Variants in SNTG1 observed in about 807,000 individuals in gnomAD.
SNTG1 encodes gamma-1-syntrophin.
SNTG1 carries 39 observed loss-of-function variants against 74.7 expected under a neutral mutation model. That is an observed-to-expected ratio of 0.52 (90% CI 0.40 to 0.68). The LOEUF is 0.68. Ranked by LOEUF, SNTG1 falls within the 30% of genes least tolerant of loss-of-function variation. The pLI is 0.00. For missense variants in SNTG1, 685 were observed against 609.5 expected (o/e 1.12, Z -1.30); for synonymous variants, 254 against 217.1 (o/e 1.17, Z -1.49).
chr8:50,445,496 G>A (rs1158702015), intron 5 of SNTG1, among the ~76,000 whole-genome samples: 1 of 152,166 alleles, frequency 6.6e-6, no homozygotes, highest in East Asian at 1.9e-4. Context: ...GTATTTCACA[G>A]TAATGCTAGT....
At chr8:50,512,687 C>G (rs992099693) in intron 9 of SNTG1, among the ~76,000 whole-genome samples, 17 of 152,176 alleles carry the variant, frequency 1.1e-4, no homozygotes, top group African/African-American at 3.6e-4. Flanking sequence ...CCTTGATACC[C>G]TTTCTTCCAG....
chr8:50,552,568 G>A (rs1199209884), intron 11 of SNTG1, among the ~76,000 whole-genome samples: 2 of 152,114 alleles, frequency 1.3e-5, no homozygotes, highest in Admixed American at 6.6e-5. Flanking sequence ...GAGAACAATG[G>A]ACAAAGTGCT....
intron 12 of SNTG1, among the ~76,000 whole-genome samples, chr8:50,577,569 G>C (rs1239059155): frequency 2.6e-5 from 1 of 39,128 alleles, no homozygotes; most frequent in East Asian, 1.5e-3. Context: ...AAAAGTTGAA[G>C]AAGGATTGGT....
chr8:50,263,897 C>A (rs2087322965), intron 2 of SNTG1, among the ~76,000 whole-genome samples: 1 of 152,094 alleles, frequency 6.6e-6, no homozygotes, highest in South Asian at 2.1e-4. Flanking sequence ...CATTCAAGAA[C>A]ACATGAAACA....
chr8:49,969,281 G>C (rs1349415977), intron 1 of SNTG1, among the ~76,000 whole-genome samples: 1 of 151,574 alleles, frequency 6.6e-6, no homozygotes, highest in Admixed American at 6.6e-5. Context: ...TTAATGCGAG[G>C]AAACCTTGGA....
intron 2 of SNTG1, among the ~76,000 whole-genome samples, chr8:50,360,829 A>G (rs1563941045): frequency 6.6e-6 from 1 of 152,114 alleles, no homozygotes; most frequent in African/African-American, 2.4e-5. Context: ...TAATTTCAGT[A>G]TAGAAGTTGC....
chr8:50,520,994 T>A (rs2094174756), intron 9 of SNTG1, among the ~76,000 whole-genome samples: 1 of 152,134 alleles, frequency 6.6e-6, no homozygotes. Flanking sequence ...GCAGCAGTAT[T>A]TACAATAGCA....
At chr8:50,437,345 A>G (rs574817558) in intron 4 of SNTG1, among the ~76,000 whole-genome samples, 12 of 152,298 alleles carry the variant, frequency 7.9e-5, no homozygotes, top group African/African-American at 1.9e-4. Flanking sequence ...TTCTTTAAGT[A>G]TTATTTTGTT....
At chr8:50,503,148 T>C (rs1188199756) in intron 9 of SNTG1, among the ~76,000 whole-genome samples, 1 of 152,202 alleles carries the variant, frequency 6.6e-6, no homozygotes, top group African/African-American at 2.4e-5. Flanking sequence ...AAATATCATG[T>C]ATGCATTATG....
At chr8:50,001,095 A>C (rs572772440) in intron 1 of SNTG1, among the ~76,000 whole-genome samples, 2 of 152,208 alleles carry the variant, frequency 1.3e-5, no homozygotes, top group Admixed American at 1.3e-4. Context: ...CTCAACTGTG[A>C]CTTGTGCAGA....
chr8:50,225,747 G>A (rs1053165101), intron 2 of SNTG1, among the ~76,000 whole-genome samples: 2 of 152,146 alleles, frequency 1.3e-5, no homozygotes, highest in Non-Finnish European at 2.9e-5. Flanking sequence ...TAAGAGAAAA[G>A]ACAAATTAAG....
intron 2 of SNTG1, among the ~76,000 whole-genome samples, chr8:50,189,640 T>C (rs2083496266): frequency 6.6e-6 from 1 of 152,274 alleles, no homozygotes; most frequent in South Asian, 2.1e-4. Flanking sequence ...ACATTCAAAC[T>C]CCAGGTACCA....
At chr8:50,766,012 T>C (rs973863351) in intron 18 of SNTG1, among the ~76,000 whole-genome samples, 5 of 151,994 alleles carry the variant, frequency 3.3e-5, no homozygotes, top group African/African-American at 1.2e-4. Context: ...AAACCTCAAA[T>C]GTTAAATATA....
chr8:50,564,417 C>T (rs888291136), intron 12 of SNTG1, among the ~76,000 whole-genome samples: 1 of 151,944 alleles, frequency 6.6e-6, no homozygotes, highest in African/African-American at 2.4e-5. Context: ...TTCACATTAC[C>T]TGATATTGCA....
At chr8:50,348,573 C>T (rs1563927113) in intron 2 of SNTG1, among the ~76,000 whole-genome samples, 1 of 152,174 alleles carries the variant, frequency 6.6e-6, no homozygotes, top group Non-Finnish European at 1.5e-5. Flanking sequence ...AGGACCAATG[C>T]ACTTAATATT....
chr8:50,266,055 CT>C lies in SNTG1; in HGVS notation c.-28+93431del, dbSNP rs34945869. On this transcript the variant is annotated intron_variant, in intron 2 of 18. Coordinates refer to ENST00000642720, the MANE Select transcript of SNTG1 (RefSeq NM_018967.5). ...AACACAATTTATATCAAAATCCTAG[CT>C]TTTTTTTTTTGCAGGAATTGATGAG... Among the ~76,000 whole-genome samples the C allele has an allele frequency of 1.4e-3, 202 of 145,478 alleles. 1 individual carries two copies. The highest frequency in any genetic ancestry group is 2.5e-3 in the African/African-American group (98 of 39,722).
At chr8:50,017,202 C>A (rs1816406160) in intron 1 of SNTG1, among the ~76,000 whole-genome samples, 1 of 151,988 alleles carries the variant, frequency 6.6e-6, no homozygotes, top group African/African-American at 2.4e-5. Flanking sequence ...TTACTCATTT[C>A]TTGTTCTATC....
At chr8:50,448,321 A>G (rs1328797317) in intron 5 of SNTG1, among the ~76,000 whole-genome samples, 1 of 152,240 alleles carries the variant, frequency 6.6e-6, no homozygotes, top group African/African-American at 2.4e-5. Flanking sequence ...CCAAAAAAAA[A>G]AATTCAATAT....
At chr8:50,602,257 CT>C (rs2094780343) in intron 13 of SNTG1, among the ~76,000 whole-genome samples, 1 of 149,746 alleles carries the variant, frequency 6.7e-6, no homozygotes, top group South Asian at 2.1e-4. Context: ...GATTTAAATT[CT>C]TTTTTATATT....
Sources: gnomAD v4.1 joint callset for allele counts (sites outside exome capture counted in the v4.1 genomes callset) on GRCh38, gnomAD v4.1.1 for gene constraint, MANE v1.5 for transcripts, NCBI Gene and HGNC (gene_info 2026-07-23, HGNC 2026-07-21) for gene names.